The following SH3GL3 variants were observed in gnomAD, a reference collection of about 807,000 sequenced individuals.
SH3GL3 encodes endophilin-A3.
In SH3GL3, 33 loss-of-function variants were observed where a neutral mutation model predicts 47.7. That is an observed-to-expected ratio of 0.69 (90% CI 0.52 to 0.92). SH3GL3 has a LOEUF of 0.92. Ranked by LOEUF, SH3GL3 falls within the 40% of genes least tolerant of loss-of-function variation. The pLI is 0.00. For synonymous variants in SH3GL3, 155 were observed against 148.8 expected (o/e 1.04, Z -0.30); for missense variants, 363 against 417.8 (o/e 0.87, Z 1.14).
At chr15:83,502,902 C>T (rs2042351527) in intron 1 of SH3GL3, among the ~76,000 whole-genome samples, 1 of 152,038 alleles carries the variant, frequency 6.6e-6, no homozygotes, top group African/African-American at 2.4e-5. Context: ...GGATGAGCTC[C>T]CAATATATAT....
chr15:83,598,805 TTA>T, intron 8 of SH3GL3, among the ~76,000 whole-genome samples: 1 of 152,366 alleles, frequency 6.6e-6, no homozygotes, highest in Non-Finnish European at 1.5e-5. Flanking sequence ...TAAAAGTCAT[TTA>T]CAGACTACAG....
chr15:83,473,714 A>G (rs2040953147), intron 1 of SH3GL3, among the ~76,000 whole-genome samples: 1 of 151,496 alleles, frequency 6.6e-6, no homozygotes, highest in Non-Finnish European at 1.5e-5. Flanking sequence ...CGTCCGGCTA[A>G]TTTTTTGTAT....
chr15:83,512,213 T>C lies in SH3GL3; in HGVS notation c.46-47040T>C, dbSNP rs554624244. ...GGAACTCTTATTGCCAAGGTCTTGG[T>C]GGGACTGAGGGTGAGATCGCTTTTC... On this transcript the variant is annotated intron_variant, in intron 1 of 8. Coordinates refer to ENST00000427482, the MANE Select transcript of SH3GL3 (RefSeq NM_003027.5). Among the ~76,000 whole-genome samples the C allele has an allele frequency of 3.3e-5, 5 of 152,286 alleles. No individual in the cohort carries two copies. The South Asian group carries it at 1.0e-3, about 32-fold the overall frequency.
At chr15:83,555,715 T>C (rs1277970515) in intron 1 of SH3GL3, among the ~76,000 whole-genome samples, 1 of 152,166 alleles carries the variant, frequency 6.6e-6, no homozygotes, top group Non-Finnish European at 1.5e-5. Flanking sequence ...TGCTTTTCCA[T>C]CCCCAGCTGT....
intron 6 of SH3GL3, among the ~76,000 whole-genome samples, chr15:83,578,112 C>CTTTGA (rs2059733730): frequency 6.6e-6 from 1 of 152,174 alleles, no homozygotes; most frequent in Admixed American, 6.5e-5. Context: ...CTGCCATTTG[C>CTTTGA]TTTGATTTGA....
At chr15:83,481,007 G>A (rs1324560569) in intron 1 of SH3GL3, among the ~76,000 whole-genome samples, 1 of 152,158 alleles carries the variant, frequency 6.6e-6, no homozygotes, top group Non-Finnish European at 1.5e-5. Flanking sequence ...TGTGCACGGT[G>A]GCTCACACCT....
In SH3GL3 at chr15:83,516,032, C is replaced by T. The variant is rs1012565046; in HGVS notation, c.46-43221C>T. Among the ~76,000 whole-genome samples the T allele has an allele frequency of 1.3e-4, 20 of 149,324 alleles. 1 individual carries two copies. Among genetic ancestry groups the T allele is most frequent in the Non-Finnish European group, 3.0e-5 (2 of 67,676 alleles). ...ATTCCTGGAAAAATAAAAAACAGAC[C>T]AAGATAAATCATAGTATTTAGTGAT... On this transcript the variant is annotated intron_variant, in intron 1 of 8. Coordinates refer to ENST00000427482, the MANE Select transcript of SH3GL3 (RefSeq NM_003027.5).
At chr15:83,512,774 G>T (rs920784783) in intron 1 of SH3GL3, among the ~76,000 whole-genome samples, 1 of 151,634 alleles carries the variant, frequency 6.6e-6, no homozygotes, top group African/African-American at 2.4e-5. Context: ...CCTTTGCCTG[G>T]CTGCCACCTC....
At chr15:83,542,287 A>G (rs2044205394) in intron 1 of SH3GL3, among the ~76,000 whole-genome samples, 1 of 152,052 alleles carries the variant, frequency 6.6e-6, no homozygotes, top group Admixed American at 6.5e-5. Flanking sequence ...CTGTAGATGT[A>G]TGGATTTATC....
chr15:83,610,645 C>T (rs1425668418), intron 8 of SH3GL3, among the ~76,000 whole-genome samples: 1 of 152,132 alleles, frequency 6.6e-6, no homozygotes, highest in African/African-American at 2.4e-5. Context: ...AACGTGGACT[C>T]TCTACCTGGC....
At chr15:83,596,468 G>A (rs2562763) in intron 8 of SH3GL3, among the ~76,000 whole-genome samples, 18,074 of 152,178 alleles carry the variant, frequency 0.12, 1,494 homozygotes, top group Admixed American at 0.25. Flanking sequence ...TTGTGGCAGA[G>A]GGTATTAAAA....
chr15:83,581,951 A>G (rs1335774236), intron 6 of SH3GL3, among the ~76,000 whole-genome samples: 1 of 152,220 alleles, frequency 6.6e-6, no homozygotes. Context: ...CCAACTTTCC[A>G]GGGATCCAAG....
chr15:83,593,886 G>C lies in SH3GL3; in HGVS notation c.838+5115G>C, dbSNP rs182505236. Among the ~76,000 whole-genome samples the C allele has an allele frequency of 1.9e-3, 283 of 151,964 alleles. 1 individual carries two copies. Among genetic ancestry groups the C allele is most frequent in the Non-Finnish European group, 3.3e-3 (224 of 67,956 alleles). On this transcript the variant is annotated intron_variant, in intron 8 of 8. Transcript: ENST00000427482. ...CAGGCTGGAGTGCAGTGGCGCAGTC[G>C]CAGCTTGTTGCAACCTCAACCTGCC...
chr15:83,550,357 C>T (rs945549704), intron 1 of SH3GL3, among the ~76,000 whole-genome samples: 2 of 152,072 alleles, frequency 1.3e-5, no homozygotes, highest in Admixed American at 6.6e-5. Context: ...ATATATGTGC[C>T]CCTTTGGAAA....
At chr15:83,617,779 G>T (rs760422353) in intron 8 of SH3GL3, among the ~76,000 whole-genome samples, 4 of 152,202 alleles carry the variant, frequency 2.6e-5, no homozygotes, top group Non-Finnish European at 4.4e-5. Flanking sequence ...TGATTCCTCT[G>T]TCGCTCCCTT....
At chr15:83,602,428 A>G (rs1327932151) in intron 8 of SH3GL3, among the ~76,000 whole-genome samples, 1 of 152,174 alleles carries the variant, frequency 6.6e-6, no homozygotes, top group Non-Finnish European at 1.5e-5. Context: ...GGTAGAGGCC[A>G]TTCCTCATAG....
At chr15:83,507,045 A>G (rs1250424584) in intron 1 of SH3GL3, among the ~76,000 whole-genome samples, 3 of 150,994 alleles carry the variant, frequency 2.0e-5, no homozygotes, top group African/African-American at 7.3e-5. Flanking sequence ...TTGCTCTGTC[A>G]CCCAGGCTGG....
chr15:83,571,838 C>T (rs1467527830), intron 4 of SH3GL3, among the ~76,000 whole-genome samples: 1 of 152,170 alleles, frequency 6.6e-6, no homozygotes, highest in African/African-American at 2.4e-5. Context: ...CCCTGCAACC[C>T]TCATTGTACA....
chr15:83,450,457 C>T (rs368771748), intron 1 of SH3GL3, among the ~76,000 whole-genome samples: 2 of 152,070 alleles, frequency 1.3e-5, no homozygotes, highest in South Asian at 4.2e-4. Flanking sequence ...GAAAGATAAG[C>T]GAGGTAAAAT....
Sources: gnomAD v4.1 joint callset for allele counts (sites outside exome capture counted in the v4.1 genomes callset) on GRCh38, gnomAD v4.1.1 for gene constraint, MANE v1.5 for transcripts, NCBI Gene and HGNC (gene_info 2026-07-23, HGNC 2026-07-21) for gene names.